The following POT1 variants were observed in gnomAD, a reference collection of about 807,000 sequenced individuals.
POT1 encodes the protein protection of telomeres protein 1.
In POT1, 47 loss-of-function variants were observed where a neutral mutation model predicts 78.5. That is an observed-to-expected ratio of 0.60 (90% CI 0.47 to 0.76). POT1 has a LOEUF of 0.76. POT1 is among the 30% of genes least tolerant of loss of function. The probability of loss-of-function intolerance (pLI) is 0.00; values close to 1 mark genes in which losing one functional copy is unlikely to be tolerated. For synonymous variants in POT1, 259 were observed against 260.7 expected, an observed-to-expected ratio of 0.99 and a Z score of 0.06; for missense variants, 646 against 749.9, an observed-to-expected ratio of 0.86 and a Z score of 1.62.
chr7:124,867,694 T>G (rs1795764693), intron 7 of POT1, among the ~76,000 whole-genome samples: 1 of 152,118 alleles, frequency 6.6e-6, no homozygotes. Flanking sequence ...TCACCCAGGC[T>G]GGAGTGCAGT....
chr7:124,846,462 CAGA>C (rs548118797), intron 12 of POT1, among the ~76,000 whole-genome samples: 24 of 151,872 alleles, frequency 1.6e-4, no homozygotes, highest in African/African-American at 4.8e-4. Context: ...GCTGATGTAG[CAGA>C]AGGAGGGTAC....
chr7:124,859,001 T>C lies in POT1; in HGVS notation c.658A>G (p.Ile220Val). 1.2e-6 allele frequency: 2 copies of C among 1,611,782 alleles called. No homozygotes were observed. Among genetic ancestry groups the C allele is most frequent in the Non-Finnish European group, 1.7e-6 (2 of 1,178,302 alleles). ...TGAACATGGTTATCGTAGACTAAAA[T>C]GTCTATTGTCAGATTTTGTAGCCGA... ...IHRLQNLTID[I>V]LVYDNHVHVA... The change falls in exon 9 of 19, where the codon ATT becomes GTT. Residue 220 changes from isoleucine to valine, a missense_variant. Physicochemically the swap from Ile to Val is conservative, Grantham distance 29. Coordinates refer to ENST00000357628, the MANE Select transcript of POT1 (RefSeq NM_015450.3).
At chr7:124,923,164 T>A (rs114453814) in intron 2 of POT1, among the ~76,000 whole-genome samples, 2,595 of 151,298 alleles carry the variant, frequency 0.017, 73 homozygotes, top group African/African-American at 0.059. Context: ...GCAATATATA[T>A]CAATTAAAAA....
At chr7:124,834,125 AATGTAAG>A in intron 15 of POT1, among the ~76,000 whole-genome samples, 18 of 152,032 alleles carry the variant, frequency 1.2e-4, no homozygotes, top group African/African-American at 4.1e-4. Flanking sequence ...TAAAGACTTA[AATGTAAG>A]ACCTAAAACC....
At chr7:124,877,518 A>G (rs960760915) in intron 6 of POT1, among the ~76,000 whole-genome samples, 4 of 151,986 alleles carry the variant, frequency 2.6e-5, no homozygotes, top group Admixed American at 1.3e-4. Context: ...AAGGGAGCTG[A>G]TAAGAAAGGA....
intron 3 of POT1, 125 bp downstream of exon 3, chr7:124,915,449 G>A (rs1295323809): frequency 6.6e-6 from 1 of 152,106 alleles, no homozygotes; most frequent in Non-Finnish European, 1.5e-5. Flanking sequence ...GTTAGCTACT[G>A]CAATGGTCTA....
At chr7:124,922,118 A>T (rs1797167073) in intron 2 of POT1, among the ~76,000 whole-genome samples, 1 of 152,040 alleles carries the variant, frequency 6.6e-6, no homozygotes. Flanking sequence ...CCTAAAAGAA[A>T]AAAAAAGTCA....
At chr7:124,886,570 C>A (rs971708938) in intron 6 of POT1, among the ~76,000 whole-genome samples, 7 of 152,002 alleles carry the variant, frequency 4.6e-5, no homozygotes, top group African/African-American at 7.2e-5. Context: ...AAAGCTTCAA[C>A]GACCAGGTTC....
At chr7:124,877,716 C>T (rs1425895580) in intron 6 of POT1, among the ~76,000 whole-genome samples, 1 of 151,286 alleles carries the variant, frequency 6.6e-6, no homozygotes, top group Non-Finnish European at 1.5e-5. Flanking sequence ...GCCTGTAGTC[C>T]CAACTACTCG....
chr7:124,925,784 G>C (rs1010891172), intron 2 of POT1, among the ~76,000 whole-genome samples: 7 of 151,956 alleles, frequency 4.6e-5, no homozygotes, highest in Non-Finnish European at 1.0e-4. Context: ...ACAAAATAGA[G>C]AAACCAGAAA....
At chr7:124,896,868 A>C (rs1178418085) in intron 5 of POT1, among the ~76,000 whole-genome samples, 1 of 151,750 alleles carries the variant, frequency 6.6e-6, no homozygotes, top group African/African-American at 2.4e-5. Flanking sequence ...ACAAAAATTT[A>C]AGGATCTTCA....
At chr7:124,906,182 A>T (rs552130616) in intron 3 of POT1, among the ~76,000 whole-genome samples, 1 of 152,296 alleles carries the variant, frequency 6.6e-6, no homozygotes, top group African/African-American at 2.4e-5. Flanking sequence ...ATAAAGACAC[A>T]TGCACACATA....
At chr7:124,871,187 C>T (rs778245250) in intron 6 of POT1, 146 bp from the exon 7 acceptor site, 25 of 565,160 alleles carry the variant, frequency 4.4e-5, no homozygotes, top group Admixed American at 8.2e-5. Context: ...ATTTTCTTGG[C>T]TTTCAATACA....
intron 13 of POT1, among the ~76,000 whole-genome samples, chr7:124,842,056 G>T (rs747383746): frequency 1.3e-5 from 2 of 151,852 alleles, no homozygotes; most frequent in Non-Finnish European, 2.9e-5. Flanking sequence ...CAATTTATAA[G>T]CACACAAATA....
Position 124,835,332 on chromosome 7 carries a change from T to C in POT1, c.1452A>G (p.Glu484=), listed in dbSNP as rs1457629286. The change falls in exon 15 of 19, where the codon GAA becomes GAG. Residue 484 remains glutamate (E), a synonymous_variant. Transcript: ENST00000357628. ...IPVRSGHEDL[E]LLDLSAPFLI... Reference sequence around the variant, plus strand: ...GAAATGGTGCTGAAAGGTCCAAAAGTTCCAGGTCTTCGTGGCCAGATCTCA... The same window carrying C: ...GAAATGGTGCTGAAAGGTCCAAAAGCTCCAGGTCTTCGTGGCCAGATCTCA... The C allele has an allele frequency of 6.2e-7, 1 of 1,614,102 alleles. No homozygotes were observed. Among genetic ancestry groups the C allele is most frequent in the East Asian group, 2.2e-5 (1 of 44,862 alleles).
intron 6 of POT1, 138 bp downstream of exon 6, chr7:124,892,128 G>T: frequency 3.8e-6 from 2 of 532,300 alleles, no homozygotes; most frequent in Non-Finnish European, 6.7e-6. Flanking sequence ...ACTAGCCAAA[G>T]AATATGCATC....
At chr7:124,866,305 TGG>T (rs34065637) in intron 7 of POT1, among the ~76,000 whole-genome samples, 22 of 151,904 alleles carry the variant, frequency 1.4e-4, no homozygotes, top group African/African-American at 5.3e-4. Context: ...GAGCTACTTT[TGG>T]GGGGTGAAAC....
intron 2 of POT1, among the ~76,000 whole-genome samples, chr7:124,917,169 C>T (rs1180006494): frequency 2.0e-5 from 3 of 152,082 alleles, no homozygotes; most frequent in Non-Finnish European, 4.4e-5. Flanking sequence ...CCTACTGCTA[C>T]CAAGACAGGC....
intron 11 of POT1, among the ~76,000 whole-genome samples, chr7:124,851,630 A>G (rs567172618): frequency 6.6e-6 from 1 of 152,338 alleles, no homozygotes; most frequent in African/African-American, 2.4e-5. Flanking sequence ...ATACACACAT[A>G]TGATATGTAT....
Sources: gnomAD v4.1 joint callset for allele counts (sites outside exome capture counted in the v4.1 genomes callset) on GRCh38, gnomAD v4.1.1 for gene constraint, MANE v1.5 for transcripts, NCBI Gene and HGNC (gene_info 2026-07-23, HGNC 2026-07-21) for gene names.